FAM107B: variants seen among roughly 807,000 people sequenced by gnomAD.
The protein encoded by FAM107B is family with sequence similarity 107 member B.
Under a neutral mutation model 31.5 loss-of-function variants are expected in FAM107B, and 21 were observed. The ratio of observed to expected loss-of-function variants is 0.67; its 90% CI spans 0.47 to 0.96. The LOEUF (loss-of-function observed/expected upper bound fraction) is 0.96. FAM107B is among the 40% of genes least tolerant of loss of function. The pLI, the probability that FAM107B is intolerant of heterozygous loss-of-function variation, is 0.00. For synonymous variants in FAM107B, 157 were observed against 141.5 expected, an observed-to-expected ratio of 1.11 and a Z score of -0.78; for missense variants, 452 against 377.1, an observed-to-expected ratio of 1.20 and a Z score of -1.64.
At chr10:14,585,685 A>G (rs967025318) in intron 2 of FAM107B, among the ~76,000 whole-genome samples, 3 of 152,226 alleles carry the variant, frequency 2.0e-5, no homozygotes, top group African/African-American at 7.2e-5. Context: ...TTCAAATAAC[A>G]AGTACACAAA....
At chr10:14,742,005 C>A (rs762519225) in intron 1 of FAM107B, among the ~76,000 whole-genome samples, 1 of 152,118 alleles carries the variant, frequency 6.6e-6, no homozygotes, top group Non-Finnish European at 1.5e-5. Context: ...TGAGCCACCG[C>A]GTGCGGCCAA....
At chr10:14,530,590 A>G in intron 2 of FAM107B, 75 bp from the exon 3 acceptor site, 2 of 1,400,286 alleles carry the variant, frequency 1.4e-6, no homozygotes, top group Non-Finnish European at 2.0e-6. Context: ...AGGCCCACAG[A>G]GCTGTGCTCA....
chr10:14,560,444 C>T (rs3740120), intron 2 of FAM107B, among the ~76,000 whole-genome samples: 40,075 of 152,094 alleles, frequency 0.26, 5,836 homozygotes, highest in Middle Eastern at 0.33. Context: ...CCTGGAGGCA[C>T]GAGTCAGCGA....
rs199831281 is a variant in FAM107B, at chr10:14,521,858, A to T, written c.804+11T>A. The T allele has an allele frequency of 1.9e-6, 3 of 1,608,216 alleles. No homozygotes were observed. Among genetic ancestry groups the T allele is most frequent in the African/African-American group, 1.3e-5 (1 of 74,302 alleles). On this transcript the variant is annotated intron_variant, in intron 4 of 4. Transcript: ENST00000181796. Reference sequence around the variant, plus strand: ...AACAAAAAAAGACAGCTTCCAGCCAATCCCCCTTACCTGCTCCAACTTCTG... The same window carrying T: ...AACAAAAAAAGACAGCTTCCAGCCATTCCCCCTTACCTGCTCCAACTTCTG...
chr10:14,666,237 G>C (rs564138155), intron 2 of FAM107B, among the ~76,000 whole-genome samples: 19 of 152,252 alleles, frequency 1.2e-4, no homozygotes, highest in African/African-American at 4.3e-4. Flanking sequence ...AATTTAAAAA[G>C]GAAAGAGGTT....
At chr10:14,771,270 G>C (rs1382668858) in intron 1 of FAM107B, among the ~76,000 whole-genome samples, 1 of 152,160 alleles carries the variant, frequency 6.6e-6, no homozygotes, top group African/African-American at 2.4e-5. Flanking sequence ...ATCTTCTGTG[G>C]TGTTATATAC....
At chr10:14,644,300 T>A (rs1456805009) in intron 2 of FAM107B, among the ~76,000 whole-genome samples, 1 of 152,250 alleles carries the variant, frequency 6.6e-6, no homozygotes, top group Non-Finnish European at 1.5e-5. Context: ...TATTACATTG[T>A]GTTATCTTCA....
At chr10:14,635,777 G>A (rs1402152519) in intron 2 of FAM107B, among the ~76,000 whole-genome samples, 7 of 151,936 alleles carry the variant, frequency 4.6e-5, no homozygotes, top group Admixed American at 1.3e-4. Flanking sequence ...GATTACAGGC[G>A]CCTAACACGA....
At chr10:14,581,209 G>T (rs1851625252) in intron 2 of FAM107B, among the ~76,000 whole-genome samples, 2 of 152,210 alleles carry the variant, frequency 1.3e-5, no homozygotes, top group African/African-American at 4.8e-5. Context: ...CGCGTCAGAT[G>T]TCGCATTTAT....
intron 1 of FAM107B, among the ~76,000 whole-genome samples, chr10:14,758,873 GA>G (rs57967855): frequency 0.021 from 831 of 38,972 alleles, 3 homozygotes; most frequent in South Asian, 0.058. Flanking sequence ...GACCCTCTCA[GA>G]AAAAAAAAAA....
chr10:14,600,952 GAGA>G (rs1852376092), intron 2 of FAM107B, among the ~76,000 whole-genome samples: 7 of 151,986 alleles, frequency 4.6e-5, no homozygotes, highest in African/African-American at 1.5e-4. Context: ...ATTTTTCGTA[GAGA>G]TGAGGGTCAC....
intron 2 of FAM107B, among the ~76,000 whole-genome samples, chr10:14,591,636 G>T (rs1043039636): frequency 6.6e-6 from 1 of 152,156 alleles, no homozygotes; most frequent in Non-Finnish European, 1.5e-5. Flanking sequence ...GAGAAAGATC[G>T]ATGAGGAAAT....
intron 2 of FAM107B, among the ~76,000 whole-genome samples, chr10:14,575,216 T>G (rs575356493): frequency 1.8e-4 from 27 of 151,890 alleles, no homozygotes; most frequent in Non-Finnish European, 3.1e-4. Context: ...TTTTTGTTTT[T>G]TTTTTGAGAT....
At chr10:14,664,845 C>T (rs1307090071) in intron 2 of FAM107B, among the ~76,000 whole-genome samples, 1 of 152,250 alleles carries the variant, frequency 6.6e-6, no homozygotes, top group African/African-American at 2.4e-5. Context: ...TTAGCAGACA[C>T]AACTTACACC....
chr10:14,686,547 A>G (rs576634861), intron 1 of FAM107B, among the ~76,000 whole-genome samples: 1 of 152,282 alleles, frequency 6.6e-6, no homozygotes, highest in African/African-American at 2.4e-5. Flanking sequence ...CCTAGGCAGT[A>G]ACACTCAACA....
intron 3 of FAM107B, 35 bp from the exon 4 acceptor site, chr10:14,522,054 A>T: frequency 6.3e-7 from 1 of 1,583,622 alleles, no homozygotes; most frequent in Non-Finnish European, 8.5e-7. Flanking sequence ...AGAAAACGTT[A>T]ATCTAATGGC....
At chr10:14,542,269 CA>C (rs147609287) in intron 2 of FAM107B, among the ~76,000 whole-genome samples, 580 of 55,978 alleles carry the variant, frequency 0.01, no homozygotes, top group African/African-American at 0.029. Flanking sequence ...GACTCCATCT[CA>C]AAAAAAAAAA....
chr10:14,607,540 T>A lies in FAM107B; in HGVS notation c.469+60094A>T, dbSNP rs950854899. ...ATATCACTCTGTGGGTGATAGATGC[T>A]TGTTGAATGAATAAGCCTCGTACTT... On this transcript the variant is annotated intron_variant, in intron 2 of 4. Transcript: ENST00000181796. Among the ~76,000 whole-genome samples, 5 of 152,228 alleles carry A rather than the reference T, an allele frequency of 3.3e-5. No individual in the cohort carries two copies. The South Asian group carries it at 1.0e-3, about 32-fold the overall frequency.
intron 1 of FAM107B, among the ~76,000 whole-genome samples, chr10:14,761,399 C>G (rs1833045056): frequency 6.6e-6 from 1 of 152,192 alleles, no homozygotes; most frequent in South Asian, 2.1e-4. Context: ...AGTACCCATA[C>G]AGTTATACAC....
Sources: gnomAD v4.1 joint callset for allele counts (sites outside exome capture counted in the v4.1 genomes callset) on GRCh38, gnomAD v4.1.1 for gene constraint, MANE v1.5 for transcripts, NCBI Gene and HGNC (gene_info 2026-07-23, HGNC 2026-07-21) for gene names.